The following AADACL3 variants were observed in gnomAD, a reference collection of about 807,000 sequenced individuals.
The protein encoded by AADACL3 is arylacetamide deacetylase-like 3.
In AADACL3, 13 loss-of-function variants were observed where a neutral mutation model predicts 13.6. That is an observed-to-expected ratio of 0.95 (90% CI 0.62 to 1.52). The LOEUF is 1.52. Among genes scored for constraint, AADACL3 ranks in the 40% most tolerant of loss-of-function variants. The pLI, the probability that AADACL3 is intolerant of heterozygous loss-of-function variation, is 0.00. For synonymous variants in AADACL3, 195 were observed against 197.0 expected (o/e 0.99, Z 0.08); for missense variants, 519 against 499.2 (o/e 1.04, Z -0.38).
At chr1:12,724,546 A>G (rs1038577350) in intron 3 of AADACL3, among the ~76,000 whole-genome samples, 1 of 151,684 alleles carries the variant, frequency 6.6e-6, no homozygotes, top group Admixed American at 6.6e-5. Context: ...GTGCAGTGGC[A>G]TGGTCACAGC....
At position 12,725,372 on chromosome 1, in the gene AADACL3, A is replaced by C; in HGVS notation, c.600A>C (p.Ala200=). 1 of 1,614,168 alleles carries C rather than the reference A, an allele frequency of 6.2e-7. No individual in the cohort carries two copies. The highest frequency in any genetic ancestry group is 1.1e-5 in the South Asian group (1 of 91,080). Residue 200 remains alanine, a synonymous_variant, in exon 4 of 4, where the codon GCA becomes GCC. Coordinates refer to ENST00000359318, the MANE Select transcript of AADACL3 (RefSeq NM_001103170.3). ...ACAGTTTCGGAGGGGCAATAGCCGCAGTGGTTTGTCAACAACTTGTGGACA... is the reference window on the plus strand; with the variant it reads ...ACAGTTTCGGAGGGGCAATAGCCGCCGTGGTTTGTCAACAACTTGTGGACA... ...CGDSFGGAIA[A]VVCQQLVDRP...
chr1:12,719,057 T>A (rs1648505053), intron 1 of AADACL3, among the ~76,000 whole-genome samples: 1 of 152,176 alleles, frequency 6.6e-6, no homozygotes, highest in Non-Finnish European at 1.5e-5. Context: ...ACACTATAGT[T>A]AGCTACACAG....
intron 1 of AADACL3, among the ~76,000 whole-genome samples, chr1:12,717,570 C>G (rs556690347): frequency 6.6e-6 from 1 of 152,288 alleles, no homozygotes; most frequent in Non-Finnish European, 1.5e-5. Context: ...CAGTCCTGGG[C>G]TCTAGGGCCA....
chr1:12,725,108 T>G, intron 3 of AADACL3, 114 bp from the exon 4 acceptor site: 1 of 1,167,784 alleles, frequency 8.6e-7, no homozygotes, highest in South Asian at 1.5e-5. Flanking sequence ...TAACTTTAAC[T>G]GCTCAAGTTT....
In AADACL3 at chr1:12,727,530, G is replaced by T. The variant is rs1425687558; in HGVS notation, c.*1534G>T. 2.0e-5 allele frequency: 3 copies of T among 152,230 alleles called. No homozygotes were observed. The highest frequency in any genetic ancestry group is 4.4e-5 in the Non-Finnish European group (3 of 68,058). The allele number at this position is 152,230 out of a possible 1,614,324, so 9.4% of individuals were successfully genotyped here. A position where few individuals can be genotyped will look rare whatever the true frequency, so the allele number is the denominator to read the frequency against. The stretch of plus-strand genomic sequence containing the variant: ...CTCTGCTGGCCCCACTTGGTCTTCT[G>T]GAGGCTCTGATCTTGGTTGGTTAGT... On this transcript the variant is annotated 3_prime_UTR_variant, in exon 4 of 4. Transcript: ENST00000359318.
intron 3 of AADACL3, among the ~76,000 whole-genome samples, chr1:12,724,987 T>C (rs549422762): frequency 1.3e-5 from 2 of 152,212 alleles, no homozygotes; most frequent in Admixed American, 6.5e-5. Flanking sequence ...TGTTGGCCAA[T>C]TGGTGGATGT....
chr1:12,716,269 G>A lies in AADACL3; in HGVS notation c.93G>A (p.Val31=). The part of the protein sequence containing the change: ...LWVICSHFFT[V]HIPAAVGHPV... ...TCATTTGCAGCCATTTTTTCACTGT[G>A]CACATCCCTGCAGCGGTTGGCCACC... The change falls in exon 1 of 4, where the codon GTG becomes GTA. Residue 31 remains valine, a synonymous_variant. Coordinates refer to ENST00000359318, the MANE Select transcript of AADACL3 (RefSeq NM_001103170.3). 1 of 1,597,250 alleles carries A rather than the reference G, an allele frequency of 6.3e-7. No homozygotes were observed. The highest frequency in any genetic ancestry group is 8.6e-7 in the Non-Finnish European group (1 of 1,164,794).
chr1:12,718,613 C>T (rs942573067), intron 1 of AADACL3, among the ~76,000 whole-genome samples: 3 of 152,114 alleles, frequency 2.0e-5, no homozygotes, highest in Non-Finnish European at 4.4e-5. Flanking sequence ...TCTTCTGCCT[C>T]AGCCTCTCGA....
rs748835509 is a variant in AADACL3 at position 12,725,420 on chromosome 1, G to A, written c.648G>A (p.Arg216=). The A allele has an allele frequency of 2.5e-6, 4 of 1,613,958 alleles. No individual in the cohort carries two copies. The highest frequency in any genetic ancestry group is 3.4e-6 in the Non-Finnish European group (4 of 1,179,970). ...ACAGGCCAGATCTGCCCCGGATCCGGGCTCAGATCCTGATCTATGCCATTC... is the reference window on the plus strand; with the variant it reads ...ACAGGCCAGATCTGCCCCGGATCCGAGCTCAGATCCTGATCTATGCCATTC... The part of the protein sequence containing the change: ...LVDRPDLPRI[R]AQILIYAILQ... Residue 216 remains arginine, a synonymous_variant, in exon 4 of 4, where the codon CGG becomes CGA. Coordinates refer to ENST00000359318, the MANE Select transcript of AADACL3 (RefSeq NM_001103170.3).
At chr1:12,720,745 G>T (rs531690908) in intron 2 of AADACL3, 138 bp from the exon 3 acceptor site, 3 of 653,912 alleles carry the variant, frequency 4.6e-6, no homozygotes, top group African/African-American at 1.8e-5. Context: ...TCAGTGAGAA[G>T]ATTGACCGGA....
chr1:12,718,312 C>T (rs1021207610), intron 1 of AADACL3, among the ~76,000 whole-genome samples: 4 of 140,516 alleles, frequency 2.8e-5, no homozygotes, highest in African/African-American at 1.1e-4. Context: ...TGTTTGAGTC[C>T]AGGAGTTTGA....
At chr1:12,717,487 C>G (rs1221984344) in intron 1 of AADACL3, among the ~76,000 whole-genome samples, 2 of 152,134 alleles carry the variant, frequency 1.3e-5, no homozygotes, top group South Asian at 4.1e-4. Context: ...TAAATAGTAG[C>G]CATTGTTACT....
intron 1 of AADACL3, among the ~76,000 whole-genome samples, chr1:12,719,193 A>G (rs1358280471): frequency 6.6e-6 from 1 of 152,128 alleles, no homozygotes; most frequent in Non-Finnish European, 1.5e-5. Flanking sequence ...GGGACCATCA[A>G]GGGTGCCCAG....
Position 12,716,335 on chromosome 1 carries a change from G to A in AADACL3, c.159G>A (p.Leu53=), listed in dbSNP as rs767486870. Residue 53 remains leucine, a synonymous_variant, in exon 1 of 4, where the codon CTG becomes CTA. Transcript: ENST00000359318. ...LRVLHCIFQL[L]LTWGMIFEKL... ...TCCTCCATTGCATCTTCCAGCTGCT[G>A]TTGACTTGGGTGAGTTTTGTGCTTT... The A allele has an allele frequency of 2.5e-6, 4 of 1,614,078 alleles. No homozygotes were observed. The South Asian group carries it at 4.4e-5, about 18-fold the overall frequency.
At chr1:12,722,742 T>G (rs1457470150) in intron 3 of AADACL3, among the ~76,000 whole-genome samples, 1 of 151,930 alleles carries the variant, frequency 6.6e-6, no homozygotes, top group East Asian at 1.9e-4. Context: ...TCACAAAACC[T>G]GGATTTCTGG....
rs925293923 is a variant in AADACL3 at position 12,725,787 on chromosome 1, A to G, written c.1015A>G (p.Thr339Ala). 2 of 1,613,990 alleles carry G rather than the reference A, an allele frequency of 1.2e-6. No homozygotes were observed. The highest frequency in any genetic ancestry group is 1.3e-5 in the African/African-American group (1 of 74,902). Residue 339 changes from threonine to alanine, a missense_variant, in exon 4 of 4, where the codon ACC (threonine) becomes GCC (alanine). By Grantham distance (58) the Thr-to-Ala change is moderately conservative (BLOSUM62 0). Coordinates refer to ENST00000359318, the MANE Select transcript of AADACL3 (RefSeq NM_001103170.3). Reference protein sequence around the residue: ...EDDIVSQLPETCIVSCEYDAL... With the variant: ...EDDIVSQLPEACIVSCEYDAL... ...TGACATAGTGTCTCAGCTCCCGGAA[A>G]CCTGCATCGTGAGCTGTGAGTATGA...
intron 3 of AADACL3, among the ~76,000 whole-genome samples, 168 bp from the exon 4 acceptor site, chr1:12,725,054 G>A (rs370107989): frequency 5.3e-5 from 8 of 152,304 alleles, no homozygotes; most frequent in African/African-American, 1.9e-4. Context: ...CACCTGCCTA[G>A]GTATGTGGGC....
At chr1:12,717,234 A>G (rs1291408163) in intron 1 of AADACL3, among the ~76,000 whole-genome samples, 4 of 152,208 alleles carry the variant, frequency 2.6e-5, no homozygotes, top group Non-Finnish European at 4.4e-5. Context: ...CTAAAAGAGA[A>G]GATCCCGGGA....
At position 12,725,387 on chromosome 1, in the gene AADACL3, A is replaced by G. The variant is rs1331447186; in HGVS notation, c.615A>G (p.Gln205=). The G allele has an allele frequency of 6.2e-7, 1 of 1,614,012 alleles. No individual in the cohort carries two copies. Among genetic ancestry groups the G allele is most frequent in the African/African-American group, 1.3e-5 (1 of 74,892 alleles). The change falls in exon 4 of 4, where the codon CAA becomes CAG. Residue 205 remains glutamine, a synonymous_variant. Coordinates refer to ENST00000359318, the MANE Select transcript of AADACL3 (RefSeq NM_001103170.3). ...CAATAGCCGCAGTGGTTTGTCAACA[A>G]CTTGTGGACAGGCCAGATCTGCCCC... ...GGAIAAVVCQ[Q]LVDRPDLPRI... is the part of the protein sequence containing the mutation.
Sources: allele counts gnomAD v4.1 joint callset (sites outside exome capture counted in the v4.1 genomes callset), GRCh38; gene constraint gnomAD v4.1.1; transcripts MANE v1.5; gene names NCBI Gene and HGNC (gene_info 2026-07-23, HGNC 2026-07-21).